Variants in PDE4D observed in about 807,000 individuals in gnomAD.
PDE4D encodes the protein phosphodiesterase 4D, also known as 3',5'-cyclic-AMP phosphodiesterase 4D.
Under a neutral mutation model 87.4 loss-of-function variants are expected in PDE4D, and 24 were observed. The ratio of observed to expected loss-of-function variants is 0.27; its 90% confidence interval spans 0.20 to 0.39. The LOEUF is 0.39. PDE4D is among the 10% of genes least tolerant of loss of function. PDE4D has a pLI of 1.00. For missense variants in PDE4D, 714 were observed against 1,041.0 expected, an observed-to-expected ratio of 0.69 and a Z score of 4.32; for synonymous variants, 384 against 383.2, an observed-to-expected ratio of 1.00 and a Z score of -0.02.
chr5:60,025,762 C>G (rs758372719), intron 2 of PDE4D, among the ~76,000 whole-genome samples: 2 of 152,020 alleles, frequency 1.3e-5, no homozygotes, highest in Non-Finnish European at 2.9e-5. Context: ...AAAAAAAACC[C>G]TAAATATTAA....
chr5:60,344,971 A>G (rs1315990697), intron 1 of PDE4D, among the ~76,000 whole-genome samples: 10 of 152,104 alleles, frequency 6.6e-5, no homozygotes, highest in Non-Finnish European at 1.5e-4. Flanking sequence ...CAAATCCTAG[A>G]GATAATATTT....
intron 1 of PDE4D, among the ~76,000 whole-genome samples, chr5:60,483,666 G>C (rs1459122853): frequency 2.0e-5 from 3 of 151,938 alleles, no homozygotes; most frequent in African/African-American, 7.3e-5. Flanking sequence ...ATCACCAAAG[G>C]CACAAAAAAG....
At chr5:59,502,465 C>T (rs1481424246) in intron 1 of PDE4D, among the ~76,000 whole-genome samples, 1 of 152,032 alleles carries the variant, frequency 6.6e-6, no homozygotes, top group Non-Finnish European at 1.5e-5. Context: ...GAATTTCTTC[C>T]ATATTCTTCT....
At chr5:59,893,732 A>C, upstream of PDE4D, 1 of 1,375,114 alleles carries the variant, frequency 7.3e-7, no homozygotes. Context: ...TCTGCAGCCC[A>C]GCAGAGGCTG....
chr5:60,063,095 G>GAAAGAAGAAAGAAAGAAAGA (rs1554144202), intron 2 of PDE4D, among the ~76,000 whole-genome samples: 1 of 97,220 alleles, frequency 1.0e-5, no homozygotes, highest in Non-Finnish European at 2.1e-5. Flanking sequence ...AAGAAAGAAA[G>GAAAGAAGAAAGAAAGAAAGA]AAGAAAGAAA....
intron 1 of PDE4D, among the ~76,000 whole-genome samples, chr5:59,439,357 C>CAA (rs3061710): frequency 0.098 from 7,123 of 72,420 alleles, 763 homozygotes; most frequent in African/African-American, 0.27. Context: ...AAGACTCTGT[C>CAA]AAAAAAAAAA....
At chr5:60,109,834 G>A (rs1323472757) in intron 2 of PDE4D, among the ~76,000 whole-genome samples, 2 of 151,380 alleles carry the variant, frequency 1.3e-5, no homozygotes, top group Admixed American at 6.6e-5. Flanking sequence ...ACACAGGAAG[G>A]GGAACATCAC....
intron 1 of PDE4D, among the ~76,000 whole-genome samples, chr5:59,816,783 C>G (rs2152684373): frequency 6.6e-6 from 1 of 152,256 alleles, no homozygotes; most frequent in South Asian, 2.1e-4. Context: ...AGTTTTGCTG[C>G]CAAACACTCC....
rs1321496053 is a variant in PDE4D, at chr5:60,205,942, T to C, written c.-89-20255A>G. Among the ~76,000 whole-genome samples, 4 of 152,162 alleles carry C rather than the reference T, an allele frequency of 2.6e-5. No individual in the cohort carries two copies. The East Asian group carries it at 7.7e-4, about 29-fold the overall frequency. On this transcript the variant is annotated intron_variant, in intron 1 of 16. Coordinates refer to the PDE4D transcript ENST00000502484. ...AAATATGCATGACAGGGAAAAATCA[T>C]AAATGTACTTCATTTTGAAAATTGG...
intron 1 of PDE4D, among the ~76,000 whole-genome samples, chr5:59,459,187 T>C (rs1800370363): frequency 6.6e-6 from 1 of 152,206 alleles, no homozygotes; most frequent in Admixed American, 6.5e-5. Flanking sequence ...GTTTAAACAA[T>C]AGTGTTTTTA....
At chr5:60,109,827 C>G (rs1777481014) in intron 2 of PDE4D, among the ~76,000 whole-genome samples, 1 of 147,834 alleles carries the variant, frequency 6.8e-6, no homozygotes, top group East Asian at 2.0e-4. Flanking sequence ...CACATGGACA[C>G]AGGAAGGGGA....
chr5:59,484,516 G>A (rs1232931563), intron 1 of PDE4D, among the ~76,000 whole-genome samples: 1 of 152,110 alleles, frequency 6.6e-6, no homozygotes, highest in Non-Finnish European at 1.5e-5. Flanking sequence ...CTGAAACACT[G>A]TGTGGAGCCA....
intron 1 of PDE4D, among the ~76,000 whole-genome samples, chr5:60,350,558 A>C (rs1759093512): frequency 6.6e-6 from 1 of 152,128 alleles, no homozygotes; most frequent in Admixed American, 6.6e-5. Flanking sequence ...GCCAAACACA[A>C]GATATCAGAA....
At chr5:60,222,307 G>A (rs1275924427) in intron 1 of PDE4D, among the ~76,000 whole-genome samples, 1 of 152,066 alleles carries the variant, frequency 6.6e-6, no homozygotes, top group East Asian at 1.9e-4. Flanking sequence ...TGGAAGCAGA[G>A]CCTCCAGCCC....
intron 1 of PDE4D, among the ~76,000 whole-genome samples, chr5:60,200,658 C>T (rs1583052503): frequency 1.3e-5 from 2 of 152,096 alleles, no homozygotes; most frequent in East Asian, 3.9e-4. Flanking sequence ...AAATTTCAGT[C>T]CATTTATTTC....
intron 1 of PDE4D, among the ~76,000 whole-genome samples, chr5:59,782,352 C>T (rs190276813): frequency 5.9e-5 from 9 of 152,234 alleles, no homozygotes; most frequent in South Asian, 2.1e-4. Flanking sequence ...ACTTTTTAAA[C>T]GGGAACTTGA....
chr5:59,299,111 T>C (rs1769670975), intron 1 of PDE4D, among the ~76,000 whole-genome samples: 1 of 152,190 alleles, frequency 6.6e-6, no homozygotes, highest in Non-Finnish European at 1.5e-5. Context: ...AAGCTTATTA[T>C]TACAAAGACC....
intron 5 of PDE4D, among the ~76,000 whole-genome samples, chr5:59,062,238 T>G (rs1377226080): frequency 6.6e-6 from 1 of 152,142 alleles, no homozygotes; most frequent in African/African-American, 2.4e-5. Context: ...TAAGATCTAT[T>G]AATTAAGGGG....
intron 1 of PDE4D, chr5:59,768,612 G>C (rs1763107356): frequency 6.5e-7 from 1 of 1,542,968 alleles, no homozygotes; most frequent in Admixed American, 1.8e-5. Context: ...GCCTGCTGCT[G>C]TTAGTGCATT....
Sources: allele counts gnomAD v4.1 joint callset (sites outside exome capture counted in the v4.1 genomes callset), GRCh38; gene constraint gnomAD v4.1.1; transcripts MANE v1.5; gene names NCBI Gene and HGNC (gene_info 2026-07-23, HGNC 2026-07-21).